DLG2: variants seen among roughly 807,000 people sequenced by gnomAD.
The protein encoded by DLG2 is discs large MAGUK scaffold protein 2.
A neutral mutation model predicts 132.5 loss-of-function variants in DLG2; 45 were observed. The observed-to-expected ratio is 0.34, with a 90% CI of 0.27 to 0.44. The LOEUF is 0.44. DLG2 is among the 20% of genes least tolerant of loss of function. DLG2 has a pLI of 1.00. For synonymous variants in DLG2, 424 were observed against 419.6 expected, an observed-to-expected ratio of 1.01 and a Z score of -0.13; for missense variants, 1,045 against 1,196.9, an observed-to-expected ratio of 0.87 and a Z score of 1.87.
chr11:85,519,903 C>T (rs924394479), intron 3 of DLG2, among the ~76,000 whole-genome samples: 1 of 152,066 alleles, frequency 6.6e-6, no homozygotes, highest in Admixed American at 6.6e-5. Flanking sequence ...TGAAATGTGC[C>T]TTTCACCTTC....
intron 6 of DLG2, among the ~76,000 whole-genome samples, chr11:84,649,516 T>C (rs1456650014): frequency 6.6e-6 from 1 of 152,198 alleles, no homozygotes; most frequent in Non-Finnish European, 1.5e-5. Flanking sequence ...GATTTCAGTG[T>C]GTTGATGAAT....
At chr11:84,254,171 T>C (rs2097429093) in intron 7 of DLG2, among the ~76,000 whole-genome samples, 1 of 152,180 alleles carries the variant, frequency 6.6e-6, no homozygotes, top group Non-Finnish European at 1.5e-5. Flanking sequence ...CCCCATATTT[T>C]CTAGTATAGC....
chr11:84,308,815 A>G (rs1042563754), intron 7 of DLG2, among the ~76,000 whole-genome samples: 1 of 152,204 alleles, frequency 6.6e-6, no homozygotes, highest in Non-Finnish European at 1.5e-5. Flanking sequence ...CGGCAGGGCC[A>G]GCTGGCCACT....
intron 6 of DLG2, chr11:84,891,052 C>T (rs749598736): frequency 1.3e-5 from 2 of 152,146 alleles, no homozygotes; most frequent in Non-Finnish European, 2.9e-5. Context: ...CCCGGGTTCC[C>T]AGAAAGTACA....
intron 7 of DLG2, among the ~76,000 whole-genome samples, chr11:84,439,376 T>C (rs562258190): frequency 6.6e-6 from 1 of 152,286 alleles, no homozygotes; most frequent in South Asian, 2.1e-4. Context: ...TAGGCTGTGG[T>C]GAAATGATTC....
intron 8 of DLG2, among the ~76,000 whole-genome samples, chr11:84,169,372 T>C (rs2095758296): frequency 6.6e-6 from 1 of 152,192 alleles, no homozygotes; most frequent in African/African-American, 2.4e-5. Context: ...TCTATAAGGG[T>C]CACAAAATTT....
At chr11:85,282,501 T>C (rs1174384459) in intron 4 of DLG2, among the ~76,000 whole-genome samples, 1 of 63,194 alleles carries the variant, frequency 1.6e-5, no homozygotes, top group Non-Finnish European at 3.9e-5. Flanking sequence ...GTATCCATAA[T>C]AATTAAAAAT....
At chr11:83,742,260 G>A (rs946215110) in intron 18 of DLG2, among the ~76,000 whole-genome samples, 2 of 148,568 alleles carry the variant, frequency 1.3e-5, no homozygotes, top group African/African-American at 5.1e-5. Flanking sequence ...ACTGTTAGAT[G>A]ATGGCTATGT....
chr11:85,532,976 G>A (rs2075313505), intron 3 of DLG2, among the ~76,000 whole-genome samples: 1 of 152,112 alleles, frequency 6.6e-6, no homozygotes, highest in South Asian at 2.1e-4. Context: ...AAGAAATTTT[G>A]TGACTCAAAA....
At chr11:83,619,267 G>A (rs1377145149) in intron 19 of DLG2, among the ~76,000 whole-genome samples, 2 of 152,134 alleles carry the variant, frequency 1.3e-5, no homozygotes, top group African/African-American at 4.8e-5. Flanking sequence ...TTATTACTGA[G>A]GGAGTTGCAC....
chr11:84,857,464 A>C (rs1352772420), intron 6 of DLG2, among the ~76,000 whole-genome samples: 2 of 152,076 alleles, frequency 1.3e-5, no homozygotes, highest in South Asian at 2.1e-4. Flanking sequence ...TATGTTTCAA[A>C]GGCACAGGAG....
chr11:85,422,177 T>C (rs904739124), intron 3 of DLG2, among the ~76,000 whole-genome samples: 3 of 152,246 alleles, frequency 2.0e-5, no homozygotes, highest in East Asian at 1.9e-4. Flanking sequence ...AATAATCTTT[T>C]TGCAATGAAT....
At chr11:83,966,941 A>T (rs1284659332) in intron 12 of DLG2, among the ~76,000 whole-genome samples, 1 of 151,864 alleles carries the variant, frequency 6.6e-6, no homozygotes, top group Non-Finnish European at 1.5e-5. Flanking sequence ...ATCTCTGTAT[A>T]TTTGACTTTT....
intron 19 of DLG2, among the ~76,000 whole-genome samples, chr11:83,567,456 C>T (rs1055549981): frequency 4.6e-5 from 7 of 152,032 alleles, no homozygotes; most frequent in East Asian, 1.9e-4. Flanking sequence ...TCTCTATCTT[C>T]GTTTTCCCAA....
intron 8 of DLG2, among the ~76,000 whole-genome samples, chr11:84,170,533 T>C (rs1020423618): frequency 2.6e-5 from 4 of 152,228 alleles, no homozygotes; most frequent in African/African-American, 4.8e-5. Flanking sequence ...AAGGAGGCAA[T>C]AGGAATAGGT....
chr11:84,853,968 G>C (rs2082464458), intron 6 of DLG2, among the ~76,000 whole-genome samples: 1 of 151,982 alleles, frequency 6.6e-6, no homozygotes. Context: ...ATTGAAATGT[G>C]GTATGTGAGC....
intron 11 of DLG2, among the ~76,000 whole-genome samples, chr11:84,030,547 T>C (rs1302056458): frequency 2.6e-5 from 4 of 152,040 alleles, no homozygotes; most frequent in Admixed American, 1.3e-4. Flanking sequence ...TTGGAAAACA[T>C]TGAATTAACA....
At chr11:83,773,279 T>C (rs909403297) in intron 18 of DLG2, among the ~76,000 whole-genome samples, 2 of 152,184 alleles carry the variant, frequency 1.3e-5, no homozygotes, top group Non-Finnish European at 2.9e-5. Context: ...ACAATGATGA[T>C]AATACCACCA....
At chr11:84,984,469 C>A (rs966782361) in intron 6 of DLG2, among the ~76,000 whole-genome samples, 1 of 151,922 alleles carries the variant, frequency 6.6e-6, no homozygotes, top group Non-Finnish European at 1.5e-5. Flanking sequence ...ACTACAAGAA[C>A]TGCTAAAAGG....
Sources: allele counts gnomAD v4.1 joint callset (sites outside exome capture counted in the v4.1 genomes callset), GRCh38; gene constraint gnomAD v4.1.1; transcripts MANE v1.5; gene names NCBI Gene and HGNC (gene_info 2026-07-23, HGNC 2026-07-21).